The following HELZ variants were observed in gnomAD, a reference collection of about 807,000 sequenced individuals.
HELZ encodes the protein helicase with zinc finger, also known as ATP-dependent RNA helicase with zinc finger domain.
HELZ carries 23 observed loss-of-function variants against 218.2 expected under a neutral mutation model. The observed-to-expected ratio is 0.11, with a 90% confidence interval of 0.08 to 0.15. The LOEUF is 0.15. HELZ is among the 10% of genes least tolerant of loss of function. HELZ has a pLI of 1.00. For missense variants in HELZ, 1,813 were observed against 2,353.7 expected, an observed-to-expected ratio of 0.77 and a Z score of 4.75; for synonymous variants, 814 against 829.4, an observed-to-expected ratio of 0.98 and a Z score of 0.32.
chr17:67,194,016 G>A lies in HELZ; in HGVS notation c.508C>T (p.Pro170Ser). Residue 170 changes from proline (P) to serine (S), a missense_variant, in exon 9 of 33, where the codon CCA becomes TCA. This residue lies in a region of HELZ where 714 missense variants were observed against 1,029.2 expected (regional missense o/e 0.69). Coordinates refer to ENST00000358691, the MANE Select transcript of HELZ (RefSeq NM_014877.4). ...CTGCTTGTGATTCCCCTAGGTGGTG[G>A]GCGGAAATGCCAACCATTACAAGAC... ...EGSCNGWHFR[P>S]PPRGITSSEE... The A allele has an allele frequency of 6.2e-7, 1 of 1,613,526 alleles. No individual in the cohort carries two copies.
chr17:67,103,902 G>C (rs1406515373), intron 31 of HELZ, among the ~76,000 whole-genome samples: 1 of 152,192 alleles, frequency 6.6e-6, no homozygotes, highest in Non-Finnish European at 1.5e-5. Context: ...CAGACACACA[G>C]ATAAATGAAA....
intron 18 of HELZ, 141 bp from the exon 19 acceptor site, chr17:67,150,126 CTTTCT>C: frequency 8.0e-6 from 2 of 251,182 alleles, no homozygotes; most frequent in Non-Finnish European, 1.4e-5. Flanking sequence ...TATTTATTTT[CTTTCT>C]TTTTTTTTTT....
chr17:67,083,838 C>T (rs894963675), intron 32 of HELZ, among the ~76,000 whole-genome samples: 6 of 152,184 alleles, frequency 3.9e-5, no homozygotes, highest in Non-Finnish European at 8.8e-5. Flanking sequence ...TTCATTATCT[C>T]CTTTCTCCAC....
chr17:67,192,897 A>C (rs1250017417), intron 9 of HELZ, among the ~76,000 whole-genome samples: 3 of 152,368 alleles, frequency 2.0e-5, no homozygotes, highest in Non-Finnish European at 4.4e-5. Context: ...TTCATTATGA[A>C]TTATTCATAA....
rs769084856 is a variant in HELZ at position 67,078,375 on chromosome 17, G to C, written c.5706C>G (p.Ala1902=). 11 of 1,610,722 alleles carry C rather than the reference G, an allele frequency of 6.8e-6. No individual in the cohort carries two copies. In the Admixed American group the frequency reaches 1.2e-4, roughly 17 times the overall value. The change falls in exon 33 of 33, where the codon GCC becomes GCG. Residue 1902 remains alanine (A), a synonymous_variant. Transcript: ENST00000358691. ...CAGGAGGGGGCCTGGGCTTTGGAGG[G>C]GCCCGCAGAGCGCTGGCATAGGACA... The part of the protein sequence containing the change: ...PAMSYASALR[A]PPKPRPPPEQ...
chr17:67,188,606 A>T lies in HELZ; in HGVS notation c.875T>A (p.Met292Lys). 6.2e-7 allele frequency: 1 copy of T among 1,612,584 alleles called. No individual in the cohort carries two copies. The highest frequency in any genetic ancestry group is 8.5e-7 in the Non-Finnish European group (1 of 1,178,798). The part of the protein sequence containing the change: ...TFALTCKPAR[M>K]LYRVALLYDA... ...ATAAAGCAATGCTACACGATACAGC[A>T]TTCTTGCAGGCTACAAGGAAGTTAA... Residue 292 changes from methionine to lysine, a missense_variant, in exon 12 of 33, where the codon ATG becomes AAG. Transcript: ENST00000358691. The surrounding 1 kb of genome is among the most constrained non-coding windows in gnomAD (Gnocchi z 4.1).
At chr17:67,122,892 T>C in intron 26 of HELZ, 78 bp downstream of exon 26, 2 of 1,038,046 alleles carry the variant, frequency 1.9e-6, no homozygotes, top group Non-Finnish European at 1.4e-6. Context: ...GTTGGTAGAA[T>C]GCTATTTGGG....
chr17:67,224,963 A>G, intron 3 of HELZ: 1 of 705,328 alleles, frequency 1.4e-6, no homozygotes, highest in Non-Finnish European at 2.7e-6. Context: ...CAGATCTAAG[A>G]GAATGCTGGC....
chr17:67,133,207 A>G (rs978234304), intron 23 of HELZ, among the ~76,000 whole-genome samples: 1 of 152,144 alleles, frequency 6.6e-6, no homozygotes, highest in African/African-American at 2.4e-5. Flanking sequence ...TTAGCTTATC[A>G]ATTAATGTAT....
intron 32 of HELZ, among the ~76,000 whole-genome samples, chr17:67,082,822 T>C (rs557818667): frequency 6.6e-6 from 1 of 151,938 alleles, no homozygotes; most frequent in East Asian, 1.9e-4. Context: ...TTCTCAGTTT[T>C]ATAGCAATGT....
chr17:67,182,157 A>G (rs1476253838), intron 12 of HELZ, among the ~76,000 whole-genome samples: 6 of 152,162 alleles, frequency 3.9e-5, no homozygotes, highest in Non-Finnish European at 8.8e-5. Context: ...AAAATTGAGA[A>G]GTGGCCAGGC....
chr17:67,133,649 G>A (rs903125574), intron 23 of HELZ, among the ~76,000 whole-genome samples: 4 of 152,028 alleles, frequency 2.6e-5, no homozygotes, highest in Admixed American at 2.6e-4. Context: ...TGAGTAGCTG[G>A]GACCACAGGC....
In HELZ at chr17:67,199,235, CAG is replaced by C. The variant is rs780973032; in HGVS notation, c.429+1892_429+1893del. ...CTTTTTTTTTTTTTTTTTTTTGAGA[CAG>C]AGTCTCACTCTGTCGCCCAGGCTGG... On this transcript the variant is annotated intron_variant, in intron 7 of 32. Transcript: ENST00000358691. Among the ~76,000 whole-genome samples, 472 of 119,622 alleles carry C rather than the reference CAG, an allele frequency of 3.9e-3. 3 individuals carry two copies. Among genetic ancestry groups the C allele is most frequent in the Non-Finnish European group, 5.9e-3 (357 of 60,038 alleles). 78.5% of individuals were successfully genotyped at this position (119,622 alleles called of 152,430 possible).
intron 12 of HELZ, 67 bp from the exon 13 acceptor site, chr17:67,178,993 T>G: frequency 9.8e-7 from 1 of 1,020,490 alleles, no homozygotes; most frequent in Non-Finnish European, 1.4e-6. Flanking sequence ...AACATTAAAA[T>G]TCTTAACTAT....
chr17:67,096,350 A>G (rs1047982976), intron 31 of HELZ, among the ~76,000 whole-genome samples: 14 of 152,214 alleles, frequency 9.2e-5, no homozygotes, highest in African/African-American at 3.1e-4. Flanking sequence ...CACCAGCTGC[A>G]TTAGTTCCTA....
At chr17:67,101,401 A>G (rs542169577) in intron 31 of HELZ, among the ~76,000 whole-genome samples, 8 of 152,300 alleles carry the variant, frequency 5.3e-5, no homozygotes, top group African/African-American at 1.7e-4. Flanking sequence ...GGAAAAAGTA[A>G]TAAGGGAGAC....
chr17:67,236,060 T>G (rs887926325), intron 3 of HELZ, among the ~76,000 whole-genome samples: 1 of 152,068 alleles, frequency 6.6e-6, no homozygotes, highest in African/African-American at 2.4e-5. Flanking sequence ...GCACCCAGCC[T>G]CGACCACACA....
intron 21 of HELZ, among the ~76,000 whole-genome samples, chr17:67,142,530 G>A (rs1274604457): frequency 6.6e-6 from 1 of 151,814 alleles, no homozygotes; most frequent in East Asian, 1.9e-4. Flanking sequence ...AAACAAACAG[G>A]CAGAGATTTT....
At chr17:67,094,333 A>AAGAGAGAGAGAGAGAGAG (rs1555597034) in intron 31 of HELZ, among the ~76,000 whole-genome samples, 5 of 146,564 alleles carry the variant, frequency 3.4e-5, no homozygotes, top group African/African-American at 1.1e-4. Context: ...AAAAAAAAAA[A>AAGAGAGAGAGAGAGAGAG]AGAGAGAGAG....
Sources: gnomAD v4.1 joint callset for allele counts (sites outside exome capture counted in the v4.1 genomes callset) on GRCh38, gnomAD v4.1.1 for gene constraint, gnomAD v4.1.1 regional missense constraint, Gnocchi (gnomAD v3.1) non-coding constraint, MANE v1.5 for transcripts, NCBI Gene and HGNC (gene_info 2026-07-23, HGNC 2026-07-21) for gene names.